Variants in PPP1R12B observed in about 807,000 individuals in gnomAD.
PPP1R12B encodes protein phosphatase 1 regulatory subunit 12B.
PPP1R12B carries 76 observed loss-of-function variants against 126.1 expected under a neutral mutation model. The observed-to-expected ratio is 0.60, with a 90% CI of 0.50 to 0.73. The LOEUF (loss-of-function observed/expected upper bound fraction) is 0.73, where lower values mean the gene tolerates loss of function less well. Ranked by LOEUF, PPP1R12B falls within the 30% of genes least tolerant of loss-of-function variation. The pLI is 0.00. For missense variants in PPP1R12B, 1,052 were observed against 1,205.1 expected (o/e 0.87, Z 1.88); for synonymous variants, 356 against 434.7 (o/e 0.82, Z 2.25).
At chr1:202,391,651 T>A (rs1192359967) in intron 1 of PPP1R12B, among the ~76,000 whole-genome samples, 1 of 93,958 alleles carries the variant, frequency 1.1e-5, no homozygotes, top group Non-Finnish European at 2.2e-5. Context: ...TGAATTATCT[T>A]CAGGTGTACT....
chr1:202,353,629 T>A (rs6659463), intron 1 of PPP1R12B, among the ~76,000 whole-genome samples: 8,264 of 138,080 alleles, frequency 0.06, 416 homozygotes, highest in South Asian at 0.22. Context: ...TGTGTGTGTG[T>A]GACAGGGTCT....
intron 1 of PPP1R12B, among the ~76,000 whole-genome samples, chr1:202,366,983 G>C (rs892700593): frequency 6.6e-6 from 1 of 152,152 alleles, no homozygotes; most frequent in African/African-American, 2.4e-5. Flanking sequence ...GAAGTCATGT[G>C]CATAGTTTTC....
chr1:202,463,729 T>C (rs1485699989), intron 13 of PPP1R12B, among the ~76,000 whole-genome samples: 3 of 152,194 alleles, frequency 2.0e-5, no homozygotes, highest in Non-Finnish European at 4.4e-5. Context: ...TAGTTGATCT[T>C]GTTCAGAGGA....
intron 18 of PPP1R12B, among the ~76,000 whole-genome samples, chr1:202,545,797 T>C (rs1558356051): frequency 6.6e-6 from 1 of 152,188 alleles, no homozygotes; most frequent in Non-Finnish European, 1.5e-5. Flanking sequence ...AAGGAAACAG[T>C]ACATTACAAA....
rs529194684 is a variant in PPP1R12B at position 202,450,808 on chromosome 1, G to A, written c.1850+1637G>A. On this transcript the variant is annotated intron_variant, in intron 13 of 23. Coordinates refer to ENST00000608999, the MANE Select transcript of PPP1R12B (RefSeq NM_002481.4). The stretch of plus-strand genomic sequence containing the variant: ...AGTCAGGTAATGTTATTCCAGTTTT[G>A]TTCTTTTTGCTTAGGGTGGCTTTGC... 1.2e-4 allele frequency among the ~76,000 whole-genome samples: 18 copies of A among 152,246 alleles called. No individual in the cohort carries two copies. The South Asian group carries it at 3.5e-3, about 30-fold the overall frequency.
chr1:202,564,341 A>G (rs1354422486), intron 20 of PPP1R12B, 102 bp from the exon 21 acceptor site: 3 of 775,876 alleles, frequency 3.9e-6, no homozygotes, highest in African/African-American at 3.4e-5. Flanking sequence ...TCTCTCTACC[A>G]TATAGTGGTG....
chr1:202,351,932 A>G (rs1394545702), intron 1 of PPP1R12B, among the ~76,000 whole-genome samples: 1 of 152,202 alleles, frequency 6.6e-6, no homozygotes, highest in Non-Finnish European at 1.5e-5. Context: ...TGCTGAGACC[A>G]CGAGGTGCTT....
intron 18 of PPP1R12B, among the ~76,000 whole-genome samples, chr1:202,514,422 A>G (rs1055075992): frequency 1.1e-4 from 16 of 152,150 alleles, no homozygotes; most frequent in African/African-American, 2.4e-5. Flanking sequence ...GCAGAAGCTC[A>G]TAAGTTCAAT....
chr1:202,456,718 A>C (rs1164200939), intron 13 of PPP1R12B, among the ~76,000 whole-genome samples: 1 of 152,228 alleles, frequency 6.6e-6, no homozygotes, highest in Non-Finnish European at 1.5e-5. Flanking sequence ...ACTTGTGAGA[A>C]ATTTTCACTA....
At chr1:202,353,586 T>TCG (rs369701976) in intron 1 of PPP1R12B, among the ~76,000 whole-genome samples, 2 of 120,788 alleles carry the variant, frequency 1.7e-5, no homozygotes, top group African/African-American at 6.4e-5. Context: ...TTCTTCTTCT[T>TCG]TGTGTGTGTG....
chr1:202,581,100 C>T lies in PPP1R12B; in HGVS notation c.*540C>T, dbSNP rs544079019. 6.5e-6 allele frequency: 1 copy of T among 153,764 alleles called. No homozygotes were observed. The highest frequency in any genetic ancestry group is 2.0e-4 in the South Asian group (1 of 4,896). 9.5% of individuals were successfully genotyped at this position (153,764 alleles called of 1,614,324 possible). A position where few individuals can be genotyped will look rare whatever the true frequency, so the allele number is the denominator to read the frequency against. On this transcript the variant is annotated 3_prime_UTR_variant, in exon 24 of 24. Transcript: ENST00000608999. ...AGGTGACAGTGACTGCATTGAGGCG[C>T]TCTATTCTTCTTCACCTCTCAGGAA...
intron 19 of PPP1R12B, among the ~76,000 whole-genome samples, chr1:202,562,128 A>C (rs1687591687): frequency 6.6e-6 from 1 of 152,248 alleles, no homozygotes; most frequent in Admixed American, 6.5e-5. Flanking sequence ...AATACTGGAA[A>C]TAAAACCACT....
chr1:202,408,843 C>CTTTTTTTT (rs35632865), intron 1 of PPP1R12B, among the ~76,000 whole-genome samples: 3 of 113,334 alleles, frequency 2.6e-5, no homozygotes, highest in South Asian at 3.2e-4. Flanking sequence ...TTATTTCTTT[C>CTTTTTTTT]TTTTTTTTTT....
intron 14 of PPP1R12B, among the ~76,000 whole-genome samples, chr1:202,490,860 C>G (rs1678770807): frequency 1.3e-5 from 2 of 152,186 alleles, no homozygotes; most frequent in Non-Finnish European, 2.9e-5. Flanking sequence ...TATATCCATT[C>G]ATCTGTCAGT....
At chr1:202,504,021 ACTTAC>A (rs1390539226) in intron 18 of PPP1R12B, among the ~76,000 whole-genome samples, 1 of 152,150 alleles carries the variant, frequency 6.6e-6, no homozygotes, top group Non-Finnish European at 1.5e-5. Context: ...TGATCTGTTA[ACTTAC>A]CTCTTGGTCT....
chr1:202,506,889 C>T (rs971973322), intron 18 of PPP1R12B, among the ~76,000 whole-genome samples: 19 of 152,148 alleles, frequency 1.2e-4, no homozygotes, highest in Middle Eastern at 3.2e-3. Context: ...GGGCTACTTT[C>T]AGGGAATACA....
In PPP1R12B at chr1:202,580,835, C is replaced by T. The variant is rs1572578177; in HGVS notation, c.*275C>T. 2.6e-6 allele frequency: 1 copy of T among 380,848 alleles called. No individual in the cohort carries two copies. The highest frequency in any genetic ancestry group is 5.0e-5 in the East Asian group (1 of 19,816). 23.6% of individuals were successfully genotyped at this position (380,848 alleles called of 1,614,324 possible). On this transcript the variant is annotated 3_prime_UTR_variant, in exon 24 of 24. Transcript: ENST00000608999. Reference sequence around the variant, plus strand: ...CTGGAGAATGCTCTGGGGAGTACACCAGGCTCAGCTGTGGACCCCTCAACT... The same window carrying T: ...CTGGAGAATGCTCTGGGGAGTACACTAGGCTCAGCTGTGGACCCCTCAACT...
At chr1:202,507,046 T>C (rs535531678) in intron 18 of PPP1R12B, among the ~76,000 whole-genome samples, 40 of 152,346 alleles carry the variant, frequency 2.6e-4, no homozygotes, top group African/African-American at 8.9e-4. Context: ...CTATCAGTTA[T>C]CTGAGTCTAA....
intron 1 of PPP1R12B, among the ~76,000 whole-genome samples, chr1:202,380,563 C>A (rs1379876427): frequency 6.6e-6 from 1 of 152,114 alleles, no homozygotes; most frequent in African/African-American, 2.4e-5. Flanking sequence ...CACCTCTTCC[C>A]CTGAGAGTAG....
Sources: gnomAD v4.1 joint callset for allele counts (sites outside exome capture counted in the v4.1 genomes callset) on GRCh38, gnomAD v4.1.1 for gene constraint, MANE v1.5 for transcripts, NCBI Gene and HGNC (gene_info 2026-07-23, HGNC 2026-07-21) for gene names.